PARD3: variants seen among roughly 807,000 people sequenced by gnomAD.
PARD3 encodes partitioning defective 3 homolog.
In PARD3, 75 loss-of-function variants were observed where a neutral mutation model predicts 155.4. That is an observed-to-expected ratio of 0.48 (90% CI 0.40 to 0.58). The LOEUF is 0.58. Among genes scored for constraint, PARD3 ranks in the 20% least tolerant of loss-of-function variants. The pLI is 0.00. For missense variants in PARD3, 1,642 were observed against 1,721.7 expected (o/e 0.95, Z 0.82); for synonymous variants, 576 against 610.5 (o/e 0.94, Z 0.83).
At chr10:34,578,359 G>A (rs2087086071) in intron 2 of PARD3, among the ~76,000 whole-genome samples, 1 of 152,156 alleles carries the variant, frequency 6.6e-6, no homozygotes, top group African/African-American at 2.4e-5. Context: ...CAAAGTCATT[G>A]TCAAGGTCTG....
chr10:34,446,453 C>G (rs1177592156), intron 5 of PARD3, among the ~76,000 whole-genome samples: 1 of 151,976 alleles, frequency 6.6e-6, no homozygotes, highest in Non-Finnish European at 1.5e-5. Flanking sequence ...ACAATTATCC[C>G]TATTTGCTGG....
intron 20 of PARD3, among the ~76,000 whole-genome samples, chr10:34,293,878 G>A (rs1956785047): frequency 6.6e-6 from 1 of 152,104 alleles, no homozygotes; most frequent in Non-Finnish European, 1.5e-5. Context: ...CCAGGTCAGA[G>A]GCAAATAATC....
At chr10:34,354,919 G>A (rs1254091861) in intron 14 of PARD3, among the ~76,000 whole-genome samples, 1 of 152,190 alleles carries the variant, frequency 6.6e-6, no homozygotes, top group Non-Finnish European at 1.5e-5. Context: ...TGCAGAGAAT[G>A]GATTGAGGGA....
chr10:34,316,629 C>T (rs994489062), intron 20 of PARD3, among the ~76,000 whole-genome samples: 4 of 152,094 alleles, frequency 2.6e-5, no homozygotes, highest in African/African-American at 9.7e-5. Context: ...TGTTCACACA[C>T]AAAAAAGAAC....
At chr10:34,809,566 G>A (rs1843826057) in intron 1 of PARD3, among the ~76,000 whole-genome samples, 1 of 152,212 alleles carries the variant, frequency 6.6e-6, no homozygotes, top group Non-Finnish European at 1.5e-5. Context: ...CCAGGCAGAA[G>A]AAACAGAAAA....
At chr10:34,190,042 A>G (rs1016394416) in intron 22 of PARD3, among the ~76,000 whole-genome samples, 1 of 152,166 alleles carries the variant, frequency 6.6e-6, no homozygotes, top group Non-Finnish European at 1.5e-5. Context: ...TTTCCAAGTG[A>G]CCAATGCATG....
rs147249425 is a variant in PARD3, at chr10:34,522,318, C to T, written c.223-5159G>A. Among the ~76,000 whole-genome samples the T allele has an allele frequency of 1.4e-4, 21 of 152,210 alleles. No individual in the cohort carries two copies. The East Asian group carries it at 3.1e-3, about 22-fold the overall frequency. On this transcript the variant is annotated intron_variant, in intron 2 of 24. Transcript: ENST00000374788. ...TTTAGAAGGCAAGGATATAGATTCT[C>T]CCCTAGAGCCTCGAGAAAGGAGCAC...
At chr10:34,758,657 G>C (rs1455323801) in intron 1 of PARD3, among the ~76,000 whole-genome samples, 1 of 152,174 alleles carries the variant, frequency 6.6e-6, no homozygotes, top group Non-Finnish European at 1.5e-5. Context: ...GTGTAATATG[G>C]AAATGTGTTT....
rs1279917700 is a variant in PARD3 at position 34,353,103 on chromosome 10, G to A, written c.2068-4988C>T. On this transcript the variant is annotated intron_variant, in intron 14 of 24. Transcript: ENST00000374788. ...TGTCTGGGAAGTGAGGAGCCCCTCC[G>A]CCCAGCAGCCGCCCCGTCTGGGAAG... Among the ~76,000 whole-genome samples the A allele has an allele frequency of 1.7e-4, 26 of 151,938 alleles. 1 individual carries two copies. Among genetic ancestry groups the A allele is most frequent in the African/African-American group, 5.8e-4 (24 of 41,452 alleles).
At chr10:34,132,168 A>G (rs1368500492) in intron 22 of PARD3, among the ~76,000 whole-genome samples, 1 of 152,242 alleles carries the variant, frequency 6.6e-6, no homozygotes, top group Non-Finnish European at 1.5e-5. Flanking sequence ...CACAGCAAAA[A>G]TGAAAAACAT....
chr10:34,486,119 T>C (rs369531193), intron 3 of PARD3, among the ~76,000 whole-genome samples: 2 of 152,100 alleles, frequency 1.3e-5, no homozygotes, highest in East Asian at 1.9e-4. Context: ...TACAGTGTCA[T>C]GTTGCCCAGG....
chr10:34,178,176 T>C (rs762401163), intron 22 of PARD3, among the ~76,000 whole-genome samples: 3 of 152,228 alleles, frequency 2.0e-5, no homozygotes, highest in Non-Finnish European at 2.9e-5. Context: ...GGATAAAAGA[T>C]GCATTGTGAA....
chr10:34,360,835 A>C (rs1839368127), intron 12 of PARD3, among the ~76,000 whole-genome samples: 1 of 152,308 alleles, frequency 6.6e-6, no homozygotes, highest in African/African-American at 2.4e-5. Context: ...ATCACAGAAA[A>C]CTTTTCCACA....
intron 2 of PARD3, among the ~76,000 whole-genome samples, chr10:34,536,538 G>T (rs540654951): frequency 3.3e-5 from 5 of 152,268 alleles, no homozygotes; most frequent in Middle Eastern, 3.4e-3. Flanking sequence ...CCTATATAAA[G>T]ATATTACAAG....
intron 2 of PARD3, among the ~76,000 whole-genome samples, chr10:34,637,566 A>G (rs1011291148): frequency 1.2e-4 from 19 of 152,204 alleles, no homozygotes; most frequent in Admixed American, 1.2e-3. Context: ...TTCAGCGTTC[A>G]GTAATAATGT....
chr10:34,485,219 C>T (rs7076168), intron 3 of PARD3, among the ~76,000 whole-genome samples: 8,440 of 152,008 alleles, frequency 0.056, 794 homozygotes, highest in African/African-American at 0.19. Context: ...CCACCTGTAA[C>T]GCCAGCTACT....
chr10:34,743,747 C>G (rs1327579986), intron 1 of PARD3, among the ~76,000 whole-genome samples: 1 of 152,132 alleles, frequency 6.6e-6, no homozygotes, highest in Admixed American at 6.5e-5. Context: ...ACCTGCACAT[C>G]GGCTGTCTAA....
intron 24 of PARD3, among the ~76,000 whole-genome samples, chr10:34,115,892 T>G (rs924857972): frequency 6.6e-6 from 1 of 152,096 alleles, no homozygotes; most frequent in Admixed American, 6.5e-5. Context: ...TTTTGTATTT[T>G]TAGTAGAGAC....
intron 14 of PARD3, among the ~76,000 whole-genome samples, chr10:34,348,969 TAGTA>T (rs776244359): frequency 2.7e-5 from 4 of 148,130 alleles, no homozygotes; most frequent in Non-Finnish European, 4.4e-5. Flanking sequence ...AAATTCATGT[TAGTA>T]AGGCCTTCAA....
Sources: allele counts gnomAD v4.1 joint callset (sites outside exome capture counted in the v4.1 genomes callset), GRCh38; gene constraint gnomAD v4.1.1; transcripts MANE v1.5; gene names NCBI Gene and HGNC (gene_info 2026-07-23, HGNC 2026-07-21).